DNAH12: variants seen among roughly 807,000 people sequenced by gnomAD.
DNAH12 encodes the protein dynein axonemal heavy chain 12.
DNAH12 carries 285 observed loss-of-function variants against 371.5 expected under a neutral mutation model. The ratio of observed to expected loss-of-function variants is 0.77; its 90% CI spans 0.70 to 0.85. DNAH12 has a LOEUF of 0.85. Among genes scored for constraint, DNAH12 ranks in the 40% least tolerant of loss-of-function variants. The pLI, the probability that DNAH12 is intolerant of heterozygous loss-of-function variation, is 0.00. For missense variants in DNAH12, 3,611 were observed against 3,689.4 expected, an observed-to-expected ratio of 0.98 and a Z score of 0.55; for synonymous variants, 1,200 against 1,213.0, an observed-to-expected ratio of 0.99 and a Z score of 0.22.
chr3:57,458,093 T>C lies in DNAH12; in HGVS notation c.3053+6A>G. ...TAATTACAGCACAATTGATTATTTA[T>C]CATACCGAGGGAAGAAAAGACGTTT... On this transcript the variant is annotated splice_donor_region_variant and intron_variant, in intron 21 of 73. Transcript: ENST00000495027. 4 of 1,543,152 alleles carry C rather than the reference T, an allele frequency of 2.6e-6. No homozygotes were observed. The South Asian group carries it at 4.9e-5, about 19-fold the overall frequency.
rs1559535245 is a variant in DNAH12 at position 57,302,546 on chromosome 3, TATATATATATATA to T, written c.11190-620_11190-608del. 1.6e-3 allele frequency among the ~76,000 whole-genome samples: 153 copies of T among 94,882 alleles called. 1 individual carries two copies. The highest frequency in any genetic ancestry group is 2.6e-3 in the Non-Finnish European group (125 of 48,546). The allele number at this position is 94,882 out of a possible 152,430, so 62.2% of individuals were successfully genotyped here. Reference sequence around the variant, plus strand: ...CATCAGGTGTATATATATATATATATATATATATATATATATATGTATTTTTTTTTTTTTTTTT... The same window carrying T: ...CATCAGGTGTATATATATATATATATTATATGTATTTTTTTTTTTTTTTTT... On this transcript the variant is annotated intron_variant, in intron 69 of 73. Coordinates refer to ENST00000495027, the MANE Select transcript of DNAH12 (RefSeq NM_001366028.2).
chr3:57,351,885 A>C (rs1311378086), intron 60 of DNAH12, among the ~76,000 whole-genome samples, 200 bp downstream of exon 60: 1 of 152,080 alleles, frequency 6.6e-6, no homozygotes, highest in East Asian at 1.9e-4. Context: ...TACTCTGTGA[A>C]CTTTTCTGTT....
chr3:57,509,321 G>C (rs957933107), intron 5 of DNAH12, 109 bp from the exon 6 acceptor site: 1 of 1,045,838 alleles, frequency 9.6e-7, no homozygotes, highest in African/African-American at 1.6e-5. Flanking sequence ...TGCATTAAAA[G>C]GAATGTAAGA....
intron 13 of DNAH12, among the ~76,000 whole-genome samples, chr3:57,473,526 A>C (rs1317079594): frequency 6.6e-6 from 1 of 151,690 alleles, no homozygotes; most frequent in East Asian, 1.9e-4. Context: ...AAGAAAAAAA[A>C]CTCTTAAAAC....
chr3:57,393,542 C>T (rs979178252), intron 44 of DNAH12, among the ~76,000 whole-genome samples: 13,383 of 141,198 alleles, frequency 0.095, 2,013 homozygotes, highest in African/African-American at 0.32. Context: ...AGGAGAATGG[C>T]GTGAACCCGG....
At chr3:57,406,725 CTCTT>C (rs2064039687) in intron 40 of DNAH12, among the ~76,000 whole-genome samples, 1 of 152,150 alleles carries the variant, frequency 6.6e-6, no homozygotes, top group Non-Finnish European at 1.5e-5. Flanking sequence ...TTTGTTCTCT[CTCTT>C]CCCTTCTATC....
chr3:57,476,100 A>G (rs924355366), intron 13 of DNAH12, among the ~76,000 whole-genome samples: 1 of 152,208 alleles, frequency 6.6e-6, no homozygotes, highest in Non-Finnish European at 1.5e-5. Flanking sequence ...AAAATCAGCT[A>G]AAGTTTAGGA....
chr3:57,326,617 A>G (rs2061953950), intron 62 of DNAH12, among the ~76,000 whole-genome samples: 1 of 152,236 alleles, frequency 6.6e-6, no homozygotes, highest in East Asian at 1.9e-4. Flanking sequence ...GCCAAAATGT[A>G]AAGACCATGG....
intron 25 of DNAH12, among the ~76,000 whole-genome samples, chr3:57,450,111 A>G (rs910868300): frequency 5.3e-5 from 8 of 152,178 alleles, no homozygotes; most frequent in Non-Finnish European, 8.8e-5. Flanking sequence ...AGCCAGGTAC[A>G]GTGGCACATG....
intron 2 of DNAH12, among the ~76,000 whole-genome samples, chr3:57,533,787 T>C (rs1186756739): frequency 6.6e-6 from 1 of 152,174 alleles, no homozygotes; most frequent in Admixed American, 6.5e-5. Flanking sequence ...AGGGTCTCTT[T>C]TGGAGCTGCA....
chr3:57,480,580 C>T (rs1002085431), intron 13 of DNAH12, among the ~76,000 whole-genome samples: 2 of 151,184 alleles, frequency 1.3e-5, no homozygotes, highest in Non-Finnish European at 2.9e-5. Context: ...ATGAGGCCAG[C>T]ATCATCCTGA....
At position 57,441,144 on chromosome 3, in the gene DNAH12, AAAG is replaced by A. The variant is rs1296640775; in HGVS notation, c.4545+3550_4545+3552del. On this transcript the variant is annotated intron_variant, in intron 29 of 73. Transcript: ENST00000495027. ...TTGACAATACATTTACAAAGTATAAAAAGAATAGATTATAAGATAGAAAAAATA... is the reference window on the plus strand; with the variant it reads ...TTGACAATACATTTACAAAGTATAAAAATAGATTATAAGATAGAAAAAATA... Among the ~76,000 whole-genome samples, 8 of 152,378 alleles carry A rather than the reference AAAG, an allele frequency of 5.3e-5. No individual in the cohort carries two copies. The East Asian group carries it at 1.5e-3, about 29-fold the overall frequency.
chr3:57,528,196 T>C (rs1467098140), intron 2 of DNAH12, among the ~76,000 whole-genome samples: 1 of 151,692 alleles, frequency 6.6e-6, no homozygotes, highest in Non-Finnish European at 1.5e-5. Context: ...GCCTGGTTAA[T>C]TTTGTATTTT....
intron 55 of DNAH12, among the ~76,000 whole-genome samples, chr3:57,373,193 G>A (rs996833812): frequency 6.6e-6 from 1 of 152,074 alleles, no homozygotes; most frequent in Non-Finnish European, 1.5e-5. Flanking sequence ...CTCTGGCTTG[G>A]GTCCCGCAGC....
chr3:57,499,673 T>TATATATATATATATATACATACACACAC (rs771112538), intron 11 of DNAH12, among the ~76,000 whole-genome samples: 1 of 44,454 alleles, frequency 2.2e-5, no homozygotes, highest in Non-Finnish European at 4.2e-5. Flanking sequence ...TATATATATA[T>TATATATATATATATATACATACACACAC]ATACTTCTTA....
intron 4 of DNAH12, among the ~76,000 whole-genome samples, chr3:57,514,404 A>AG (rs1411155443): frequency 7.3e-5 from 11 of 151,710 alleles, no homozygotes; most frequent in Admixed American, 6.6e-4. Flanking sequence ...AAAAAAAAAA[A>AG]AAAGAAAAAT....
intron 49 of DNAH12, among the ~76,000 whole-genome samples, chr3:57,383,654 G>A (rs1463750935): frequency 9.0e-6 from 1 of 111,584 alleles, no homozygotes; most frequent in Non-Finnish European, 1.7e-5. Context: ...AGCTGAGTTG[G>A]GGTGGGGGGC....
chr3:57,464,187 G>A (rs535389377), intron 17 of DNAH12, among the ~76,000 whole-genome samples: 1 of 152,112 alleles, frequency 6.6e-6, no homozygotes, highest in South Asian at 2.1e-4. Flanking sequence ...TGCCTGAAGG[G>A]ATAAATAATT....
chr3:57,524,003 A>C, intron 2 of DNAH12, 119 bp from the exon 3 acceptor site: 1 of 595,976 alleles, frequency 1.7e-6, no homozygotes, highest in Non-Finnish European at 2.6e-6. Flanking sequence ...ATCTTACTGA[A>C]TTTTTTATGA....
Sources: gnomAD v4.1 joint callset for allele counts (sites outside exome capture counted in the v4.1 genomes callset) on GRCh38, gnomAD v4.1.1 for gene constraint, MANE v1.5 for transcripts, NCBI Gene and HGNC (gene_info 2026-07-23, HGNC 2026-07-21) for gene names.